The following CDH13 variants were observed in gnomAD, a reference collection of about 807,000 sequenced individuals.
The protein encoded by CDH13 is cadherin 13, also known as cadherin-13.
Under a neutral mutation model 63.8 loss-of-function variants are expected in CDH13, and 24 were observed. The ratio of observed to expected loss-of-function variants is 0.38; its 90% CI spans 0.27 to 0.53. The LOEUF is 0.53. Among genes scored for constraint, CDH13 ranks in the 20% least tolerant of loss-of-function variants. The pLI is 0.85. For synonymous variants in CDH13, 503 were observed against 355.3 expected, an observed-to-expected ratio of 1.42 and a Z score of -4.67; for missense variants, 1,049 against 903.1, an observed-to-expected ratio of 1.16 and a Z score of -2.07.
chr16:82,674,909 A>C (rs1221236871), intron 1 of CDH13, among the ~76,000 whole-genome samples: 1 of 152,072 alleles, frequency 6.6e-6, no homozygotes, highest in East Asian at 1.9e-4. Flanking sequence ...GGATTCAAAA[A>C]GTCATAATCT....
intron 2 of CDH13, among the ~76,000 whole-genome samples, chr16:82,944,345 T>A (rs1035388059): frequency 6.6e-6 from 1 of 152,182 alleles, no homozygotes; most frequent in Non-Finnish European, 1.5e-5. Flanking sequence ...TTACCGATAC[T>A]GTGTGTCTGT....
At chr16:83,254,610 G>A (rs1350582207) in intron 5 of CDH13, among the ~76,000 whole-genome samples, 1 of 152,004 alleles carries the variant, frequency 6.6e-6, no homozygotes, top group Non-Finnish European at 1.5e-5. Context: ...TTATCTGCTT[G>A]TACTTCTGCC....
intron 2 of CDH13, among the ~76,000 whole-genome samples, chr16:82,888,587 A>G (rs2040972202): frequency 6.6e-6 from 1 of 152,214 alleles, no homozygotes; most frequent in Non-Finnish European, 1.5e-5. Flanking sequence ...CTCAGCCATT[A>G]AAGCAGGGTT....
intron 6 of CDH13, among the ~76,000 whole-genome samples, chr16:83,462,522 C>T (rs955401460): frequency 7.2e-5 from 11 of 152,258 alleles, no homozygotes; most frequent in East Asian, 3.9e-4. Context: ...GAGGCCAACG[C>T]GAGCAGGAGT....
intron 7 of CDH13, among the ~76,000 whole-genome samples, chr16:83,524,334 C>G (rs553303209): frequency 2.6e-5 from 4 of 152,090 alleles, no homozygotes; most frequent in Admixed American, 2.0e-4. Context: ...AAATGTATAA[C>G]CACATTATTA....
chr16:83,700,286 CAGAA>C (rs1348246461), intron 10 of CDH13, among the ~76,000 whole-genome samples: 2 of 152,196 alleles, frequency 1.3e-5, no homozygotes, highest in Non-Finnish European at 2.9e-5. Flanking sequence ...AGACCTTCTG[CAGAA>C]AGATTCAATT....
In CDH13 at chr16:83,285,119, G is replaced by T. The variant is rs917559906; in HGVS notation, c.637-59743G>T. Among the ~76,000 whole-genome samples the T allele has an allele frequency of 3.7e-4, 57 of 152,124 alleles. 1 individual carries two copies. The highest frequency in any genetic ancestry group is 1.3e-3 in the African/African-American group (56 of 41,514). On this transcript the variant is annotated intron_variant, in intron 5 of 13. Transcript: ENST00000567109. ...TTTTTAACCTTCAGAAGTACATTTTGTCTGGAGGACCAGAGTATCGATGTG... is the reference window on the plus strand; with the variant it reads ...TTTTTAACCTTCAGAAGTACATTTTTTCTGGAGGACCAGAGTATCGATGTG...
intron 2 of CDH13, among the ~76,000 whole-genome samples, chr16:82,867,152 A>G (rs1243703183): frequency 1.3e-5 from 2 of 152,212 alleles, no homozygotes; most frequent in Admixed American, 6.5e-5. Flanking sequence ...AGGTGAGGAC[A>G]TTTAAGGCTG....
At chr16:83,150,512 A>T (rs1169359042) in intron 4 of CDH13, among the ~76,000 whole-genome samples, 2 of 152,124 alleles carry the variant, frequency 1.3e-5, no homozygotes, top group Non-Finnish European at 2.9e-5. Context: ...CTCCACACTC[A>T]GATACTGACT....
chr16:83,630,892 G>C (rs1910721096), intron 8 of CDH13, among the ~76,000 whole-genome samples: 1 of 152,178 alleles, frequency 6.6e-6, no homozygotes, highest in Non-Finnish European at 1.5e-5. Flanking sequence ...GTCCCAGCTA[G>C]ACTTTTCCCT....
chr16:83,421,279 A>G (rs1039800063), intron 6 of CDH13, among the ~76,000 whole-genome samples: 33 of 152,242 alleles, frequency 2.2e-4, no homozygotes, highest in African/African-American at 8.0e-4. Context: ...TTTAAGCTAT[A>G]TTAAGCTGCA....
chr16:83,041,771 T>C (rs1490942835), intron 3 of CDH13, among the ~76,000 whole-genome samples: 2 of 152,192 alleles, frequency 1.3e-5, no homozygotes, highest in Non-Finnish European at 2.9e-5. Flanking sequence ...GTTACGTAAC[T>C]TCTCTGAGGT....
At chr16:82,949,893 G>A (rs777131364) in intron 2 of CDH13, among the ~76,000 whole-genome samples, 1 of 152,044 alleles carries the variant, frequency 6.6e-6, no homozygotes, top group Non-Finnish European at 1.5e-5. Flanking sequence ...GACCAATTGG[G>A]TGCTTCATTT....
At chr16:83,054,177 A>G (rs1050884945) in intron 3 of CDH13, among the ~76,000 whole-genome samples, 4 of 152,192 alleles carry the variant, frequency 2.6e-5, no homozygotes, top group East Asian at 1.9e-4. Flanking sequence ...TGTTTGCACA[A>G]TGCCAGAATC....
At chr16:83,514,386 G>A (rs2074650490) in intron 7 of CDH13, among the ~76,000 whole-genome samples, 1 of 152,216 alleles carries the variant, frequency 6.6e-6, no homozygotes, top group African/African-American at 2.4e-5. Context: ...GCTCATGCCT[G>A]TAATCCCAGC....
chr16:83,262,323 G>T (rs1907091089), intron 5 of CDH13, among the ~76,000 whole-genome samples: 1 of 152,166 alleles, frequency 6.6e-6, no homozygotes, highest in South Asian at 2.1e-4. Flanking sequence ...CACAGCTGTG[G>T]TGTAATCAGA....
chr16:83,591,437 T>C (rs963635620), intron 7 of CDH13, among the ~76,000 whole-genome samples: 1 of 152,222 alleles, frequency 6.6e-6, no homozygotes, highest in Non-Finnish European at 1.5e-5. Flanking sequence ...TAACCAGCCA[T>C]GTGCTCCTGG....
In CDH13 at chr16:82,846,744, C is replaced by G. The variant is rs2030696962; in HGVS notation, c.46-11618C>G. On this transcript the variant is annotated intron_variant, in intron 1 of 13. Coordinates refer to ENST00000567109, the MANE Select transcript of CDH13 (RefSeq NM_001257.5). The stretch of plus-strand genomic sequence containing the variant: ...AAGGGTTTTATTCATTTTTCCATCT[C>G]TAGTATCTAGGCCAGAGCCTGGCAG... 2.0e-5 allele frequency among the ~76,000 whole-genome samples: 3 copies of G among 152,132 alleles called. No individual in the cohort carries two copies. The South Asian group carries it at 6.2e-4, about 32-fold the overall frequency.
Position 83,031,936 on chromosome 16 carries a change from A to G in CDH13, c.158-74A>G, listed in dbSNP as rs1358734238. The G allele has an allele frequency of 5.1e-6, 6 of 1,167,420 alleles. No individual in the cohort carries two copies. The Admixed American group carries it at 1.0e-4, about 20-fold the overall frequency. The allele number at this position is 1,167,420 out of a possible 1,614,324, so 72.3% of individuals were successfully genotyped here. On this transcript the variant is annotated intron_variant, in intron 2 of 13. Transcript: ENST00000567109. ...GAAACTATGTGGTAATTCACACTTA[A>G]TAGGTCAGAGATATCTCAGAGATAA... is the stretch of plus-strand genomic sequence containing the variant.
Sources: allele counts gnomAD v4.1 joint callset (sites outside exome capture counted in the v4.1 genomes callset), GRCh38; gene constraint gnomAD v4.1.1; transcripts MANE v1.5; gene names NCBI Gene and HGNC (gene_info 2026-07-23, HGNC 2026-07-21).